DPP6: variants seen among roughly 807,000 people sequenced by gnomAD.
DPP6 encodes the protein A-type potassium channel modulatory protein DPP6.
DPP6 carries 69 observed loss-of-function variants against 122.6 expected under a neutral mutation model. The ratio of observed to expected loss-of-function variants is 0.56; its 90% CI spans 0.46 to 0.69. DPP6 has a LOEUF of 0.69. Among genes scored for constraint, DPP6 ranks in the 30% least tolerant of loss-of-function variants. The pLI, the probability that DPP6 is intolerant of heterozygous loss-of-function variation, is 0.00. For missense variants in DPP6, 928 were observed against 1,116.9 expected (o/e 0.83, Z 2.41); for synonymous variants, 418 against 433.1 (o/e 0.97, Z 0.43).
At chr7:154,458,377 T>C (rs1820987161) in intron 2 of DPP6, among the ~76,000 whole-genome samples, 1 of 152,212 alleles carries the variant, frequency 6.6e-6, no homozygotes, top group Non-Finnish European at 1.5e-5. Flanking sequence ...CCACCATGAT[T>C]GTGAGGCCTC....
At chr7:154,293,043 G>C (rs568765057) in intron 1 of DPP6, among the ~76,000 whole-genome samples, 17 of 152,076 alleles carry the variant, frequency 1.1e-4, no homozygotes, top group Non-Finnish European at 1.8e-4. Context: ...TGTTTCTTGT[G>C]GGGGTTGCTG....
chr7:154,521,185 A>G (rs1205143526), intron 3 of DPP6, among the ~76,000 whole-genome samples: 1 of 152,194 alleles, frequency 6.6e-6, no homozygotes, highest in Non-Finnish European at 1.5e-5. Context: ...TTGGCTGATA[A>G]CACATTTCTG....
intron 1 of DPP6, among the ~76,000 whole-genome samples, chr7:154,298,370 C>T (rs1805683852): frequency 1.3e-5 from 2 of 152,274 alleles, no homozygotes; most frequent in East Asian, 1.9e-4. Context: ...GGGGGATCTA[C>T]TCCTTATCCA....
Position 154,889,260 on chromosome 7 carries a change from C to A in DPP6, c.2305-12C>A, listed in dbSNP as rs1276826913. 1 of 1,611,608 alleles carries A rather than the reference C, an allele frequency of 6.2e-7. No individual in the cohort carries two copies. Among genetic ancestry groups the A allele is most frequent in the South Asian group, 1.1e-5 (1 of 90,112 alleles). On this transcript the variant is annotated splice_polypyrimidine_tract_variant and intron_variant, in intron 23 of 25. Coordinates refer to ENST00000377770, the MANE Select transcript of DPP6 (RefSeq NM_130797.4). The stretch of plus-strand genomic sequence containing the variant: ...GCCCCCTAACTCTGTCCCCTTGCCC[C>A]CGCATGTGCAGATGACCAAGGTAGC...
intron 10 of DPP6, among the ~76,000 whole-genome samples, chr7:154,778,561 C>T (rs1193000188): frequency 2.6e-5 from 4 of 151,296 alleles, no homozygotes; most frequent in Admixed American, 6.6e-5. Context: ...GAGCACCCCC[C>T]CCCAAAAAAA....
At chr7:154,384,378 GA>G (rs1430027332) in intron 1 of DPP6, among the ~76,000 whole-genome samples, 1 of 152,186 alleles carries the variant, frequency 6.6e-6, no homozygotes, top group Non-Finnish European at 1.5e-5. Flanking sequence ...AGAACATTCA[GA>G]AAAGATTTGT....
Position 154,879,452 on chromosome 7 carries a change from A to T in DPP6, c.2079-1436A>T, listed in dbSNP as rs373027531. On this transcript the variant is annotated intron_variant, in intron 20 of 25. Transcript: ENST00000377770. Reference sequence around the variant, plus strand: ...AAAAATACAAAAAATTAGCCGGGCGAGGTGGCGGGCACCTGTAGTCCCAGC... The same window carrying T: ...AAAAATACAAAAAATTAGCCGGGCGTGGTGGCGGGCACCTGTAGTCCCAGC... Among the ~76,000 whole-genome samples the T allele has an allele frequency of 2.7e-4, 36 of 134,548 alleles. 8 individuals carry two copies. Among genetic ancestry groups the T allele is most frequent in the African/African-American group, 9.8e-4 (33 of 33,786 alleles). The allele number at this position is 134,548 out of a possible 152,430, so 88.3% of individuals were successfully genotyped here.
intron 1 of DPP6, among the ~76,000 whole-genome samples, chr7:153,942,747 C>T (rs764544435): frequency 1.3e-5 from 2 of 152,184 alleles, no homozygotes; most frequent in Admixed American, 6.5e-5. Flanking sequence ...CGAGGCCGCC[C>T]CACACTCTGT....
chr7:154,296,150 T>C (rs1805530349), intron 1 of DPP6, among the ~76,000 whole-genome samples: 1 of 152,046 alleles, frequency 6.6e-6, no homozygotes, highest in Non-Finnish European at 1.5e-5. Flanking sequence ...TTCACCATGT[T>C]AGCCAGGATG....
intron 7 of DPP6, among the ~76,000 whole-genome samples, chr7:154,693,401 T>C (rs1840041459): frequency 6.6e-6 from 1 of 152,232 alleles, no homozygotes; most frequent in Non-Finnish European, 1.5e-5. Flanking sequence ...AATTTTCCTT[T>C]ATTAATTAAC....
chr7:154,067,918 G>T (rs560793064), intron 1 of DPP6, among the ~76,000 whole-genome samples: 2,882 of 130,954 alleles, frequency 0.022, 47 homozygotes, highest in Non-Finnish European at 0.029. Context: ...TTTTTTTTTT[G>T]TTTGTTTGTT....
intron 1 of DPP6, among the ~76,000 whole-genome samples, chr7:154,354,791 G>C (rs1350844340): frequency 1.3e-5 from 2 of 152,194 alleles, no homozygotes; most frequent in Non-Finnish European, 2.9e-5. Context: ...GCTGTTGGTG[G>C]ATGTTCATAT....
chr7:154,367,415 C>T (rs1316211686), intron 1 of DPP6, among the ~76,000 whole-genome samples: 1 of 152,158 alleles, frequency 6.6e-6, no homozygotes, highest in Non-Finnish European at 1.5e-5. Flanking sequence ...TCTAGTCTGG[C>T]TTTTGCAAGT....
At chr7:154,580,162 C>G (rs1183135303) in intron 5 of DPP6, among the ~76,000 whole-genome samples, 1 of 148,422 alleles carries the variant, frequency 6.7e-6, no homozygotes, top group African/African-American at 2.5e-5. Context: ...CACACACACA[C>G]ACACACACAC....
At position 153,979,338 on chromosome 7, in the gene DPP6, C is replaced by A. The variant is rs536491864; in HGVS notation, c.51+91604C>A. Among the ~76,000 whole-genome samples, 656 of 151,918 alleles carry A rather than the reference C, an allele frequency of 4.3e-3. 1 individual carries two copies. Among genetic ancestry groups the A allele is most frequent in the Middle Eastern group, 0.01 (3 of 294 alleles). Reference sequence around the variant, plus strand: ...ATGGGAGTTCACTCATGATTTGGCTCTCTGTTTGTCTATTATTGGTGTATA... The same window carrying A: ...ATGGGAGTTCACTCATGATTTGGCTATCTGTTTGTCTATTATTGGTGTATA... On this transcript the variant is annotated intron_variant, in intron 1 of 25. Coordinates refer to the DPP6 transcript ENST00000404039.
chr7:153,752,544 C>T, the DPP6 span, among the ~76,000 whole-genome samples: 11 of 151,618 alleles, frequency 7.3e-5, no homozygotes, highest in Admixed American at 2.0e-4. Flanking sequence ...CCACCATGCC[C>T]GGCCAACAGC....
chr7:153,833,448 C>T, the DPP6 span, among the ~76,000 whole-genome samples: 2 of 151,968 alleles, frequency 1.3e-5, no homozygotes, highest in African/African-American at 2.4e-5. Flanking sequence ...CTGAGGCGGG[C>T]GGATCACTTG....
the DPP6 span, among the ~76,000 whole-genome samples, chr7:153,864,181 C>A: frequency 6.6e-6 from 1 of 152,146 alleles, no homozygotes; most frequent in Non-Finnish European, 1.5e-5. Flanking sequence ...AACAACTTCA[C>A]CATTTTAACA....
chr7:154,060,103 A>AT (rs2129069842), intron 1 of DPP6, among the ~76,000 whole-genome samples: 1 of 138,308 alleles, frequency 7.2e-6, no homozygotes, highest in South Asian at 2.4e-4. Flanking sequence ...GGGGGAGGCA[A>AT]TCCTCCCGAG....
Sources: gnomAD v4.1 joint callset for allele counts (sites outside exome capture counted in the v4.1 genomes callset) on GRCh38, gnomAD v4.1.1 for gene constraint, MANE v1.5 for transcripts, NCBI Gene and HGNC (gene_info 2026-07-23, HGNC 2026-07-21) for gene names.